CHD9NB: variants seen among roughly 807,000 people sequenced by gnomAD.
The protein encoded by CHD9NB is CHD9 neighbor protein.
At chr16:53,042,939 C>T in the CHD9NB span, 17 of 152,168 alleles carry the variant, frequency 1.1e-4, no homozygotes, top group African/African-American at 4.1e-4. Flanking sequence ...GGCATTAAAC[C>T]GTCTATGGAA....
chr16:53,048,765 G>C, the CHD9NB span, among the ~76,000 whole-genome samples: 2 of 152,214 alleles, frequency 1.3e-5, no homozygotes, highest in Non-Finnish European at 2.9e-5. Context: ...TATGACTATA[G>C]GTCAGGAGAG....
At chr16:53,046,095 G>C in the CHD9NB span, among the ~76,000 whole-genome samples, 14 of 152,092 alleles carry the variant, frequency 9.2e-5, no homozygotes, top group African/African-American at 3.4e-4. Context: ...CCACATAAAT[G>C]CCAAAGTATA....
At chr16:53,040,337 G>A in the CHD9NB span, among the ~76,000 whole-genome samples, 4 of 151,992 alleles carry the variant, frequency 2.6e-5, no homozygotes, top group African/African-American at 9.7e-5. Context: ...GCCTCCCAAA[G>A]TGCTGGGATT....
chr16:53,038,849 G>T, the CHD9NB span, among the ~76,000 whole-genome samples: 58,285 of 152,034 alleles, frequency 0.38, 11,329 homozygotes, highest in East Asian at 0.54. Flanking sequence ...CAGTGTGATG[G>T]TGAGGATTAA....
At chr16:53,040,645 C>G in the CHD9NB span, among the ~76,000 whole-genome samples, 2 of 152,158 alleles carry the variant, frequency 1.3e-5, no homozygotes, top group African/African-American at 4.8e-5. Context: ...ATTTTATGAA[C>G]ACTAAGGAGT....
chr16:53,049,322 T>TTGTGTGTGTGTGTGTGTG, the CHD9NB span, among the ~76,000 whole-genome samples: 2 of 144,890 alleles, frequency 1.4e-5, no homozygotes, highest in African/African-American at 5.2e-5. Flanking sequence ...CCCCCAGCTG[T>TTGTGTGTGTGTGTGTGTG]TGTGTGTGTG....
the CHD9NB span, among the ~76,000 whole-genome samples, chr16:53,042,373 T>C: frequency 6.8e-6 from 1 of 146,226 alleles, no homozygotes; most frequent in Admixed American, 6.8e-5. Context: ...CCCTACCTCT[T>C]CCCTTTCTCT....
the CHD9NB span, among the ~76,000 whole-genome samples, chr16:53,051,620 G>C: frequency 1.2e-3 from 172 of 146,836 alleles, 2 homozygotes; most frequent in African/African-American, 3.6e-3. Context: ...GGCCTGTTGT[G>C]GGGTAGGGGG....
the CHD9NB span, among the ~76,000 whole-genome samples, chr16:53,039,094 A>G: frequency 6.6e-6 from 1 of 152,072 alleles, no homozygotes; most frequent in Admixed American, 6.6e-5. Context: ...TCCATCCTCT[A>G]AACAGTTACC....
chr16:53,040,667 T>C, the CHD9NB span, among the ~76,000 whole-genome samples: 1 of 151,970 alleles, frequency 6.6e-6, no homozygotes, highest in African/African-American at 2.4e-5. Flanking sequence ...TGGCATAGAG[T>C]AGTTGCCCAG....
the CHD9NB span, among the ~76,000 whole-genome samples, chr16:53,040,248 G>A: frequency 6.7e-6 from 1 of 150,270 alleles, no homozygotes; most frequent in Admixed American, 6.6e-5. Context: ...TTTTTTTTTT[G>A]TATTTTTAGT....
the CHD9NB span, among the ~76,000 whole-genome samples, chr16:53,037,924 G>C: frequency 6.6e-6 from 1 of 152,130 alleles, no homozygotes; most frequent in Admixed American, 6.6e-5. Context: ...ATATATAAGG[G>C]GAGATTTATT....
the CHD9NB span, among the ~76,000 whole-genome samples, chr16:53,048,166 G>C: frequency 4.8e-3 from 733 of 152,304 alleles, 9 homozygotes; most frequent in African/African-American, 0.017. Flanking sequence ...CACTGTGGGA[G>C]GCTGAGGCAG....
chr16:53,048,815 C>A, the CHD9NB span, among the ~76,000 whole-genome samples: 1 of 152,316 alleles, frequency 6.6e-6, no homozygotes, highest in South Asian at 2.1e-4. Flanking sequence ...AAGCTGGGGA[C>A]ATAAGCACCC....
chr16:53,049,155 G>A, the CHD9NB span, among the ~76,000 whole-genome samples: 9 of 151,936 alleles, frequency 5.9e-5, no homozygotes, highest in Admixed American at 1.3e-4. Context: ...CACTGGGCCC[G>A]GCCAGTTTGT....
At chr16:53,035,884 G>A in the CHD9NB span, 1 of 151,686 alleles carries the variant, frequency 6.6e-6, no homozygotes, top group South Asian at 2.1e-4. Flanking sequence ...AGGATGACTT[G>A]TGCCTAGGAG....
chr16:53,040,130 T>C, the CHD9NB span, among the ~76,000 whole-genome samples: 1 of 151,976 alleles, frequency 6.6e-6, no homozygotes, highest in African/African-American at 2.4e-5. Flanking sequence ...ATGGTCATGG[T>C]GCAATCTAGG....
At chr16:53,047,265 C>A in the CHD9NB span, 4 of 152,112 alleles carry the variant, frequency 2.6e-5, no homozygotes, top group Non-Finnish European at 4.4e-5. Context: ...CTAGTGGGAA[C>A]CATGATATGG....
the CHD9NB span, among the ~76,000 whole-genome samples, chr16:53,048,580 TCAAA>T: frequency 5.3e-5 from 8 of 152,180 alleles, no homozygotes; most frequent in Non-Finnish European, 1.2e-4. Flanking sequence ...ACTTACTCAT[TCAAA>T]CAAACAAACA....
Sources: gnomAD v4.1 joint callset for allele counts (sites outside exome capture counted in the v4.1 genomes callset) on GRCh38, gnomAD v4.1.1 for gene constraint, MANE v1.5 for transcripts, NCBI Gene and HGNC (gene_info 2026-07-23, HGNC 2026-07-21) for gene names.